Variants in HTT observed in about 807,000 individuals in gnomAD.
HTT encodes huntington disease protein.
In HTT, 104 loss-of-function variants were observed where a neutral mutation model predicts 362.3. The ratio of observed to expected loss-of-function variants is 0.29; its 90% CI spans 0.24 to 0.34. The LOEUF (loss-of-function observed/expected upper bound fraction) is 0.34. Among genes scored for constraint, HTT ranks in the 10% least tolerant of loss-of-function variants. HTT has a pLI of 1.00. For missense variants in HTT, 3,301 were observed against 3,928.6 expected, an observed-to-expected ratio of 0.84 and a Z score of 4.27; for synonymous variants, 1,577 against 1,548.7, an observed-to-expected ratio of 1.02 and a Z score of -0.43.
intron 31 of HTT, 78 bp from the exon 32 acceptor site, chr4:3,174,643 C>G: frequency 8.7e-7 from 1 of 1,151,644 alleles, no homozygotes; most frequent in African/African-American, 1.5e-5. Flanking sequence ...TTGGTTTGAG[C>G]AGGAGTATAT....
intron 1 of HTT, among the ~76,000 whole-genome samples, chr4:3,082,343 C>T (rs1712956828): frequency 6.6e-6 from 1 of 152,044 alleles, no homozygotes; most frequent in Admixed American, 6.5e-5. Context: ...AATAAGTCAA[C>T]CACTTGATAA....
rs200331534 is a variant in HTT at position 3,103,859 on chromosome 4, C to T, written c.504C>T (p.Leu168=). 2.1e-4 allele frequency: 330 copies of T among 1,606,266 alleles called. No individual in the cohort carries two copies. In the African/African-American group the frequency reaches 3.4e-3, roughly 17 times the overall value. The change falls in exon 4 of 67, where the codon CTC becomes CTT. Residue 168 remains leucine (L), a synonymous_variant. Transcript: ENST00000355072. Reference sequence around the variant, plus strand: ...ATTCTAATCTTCCAAGGTTACAGCTCGAGCTCTATAAGGAAATTAAAAAGG... The same window carrying T: ...ATTCTAATCTTCCAAGGTTACAGCTTGAGCTCTATAAGGAAATTAAAAAGG... The part of the protein sequence containing the change: ...LMDSNLPRLQ[L]ELYKEIKKNG...
At chr4:3,107,997 C>T (rs974695379) in intron 6 of HTT, among the ~76,000 whole-genome samples, 1 of 152,218 alleles carries the variant, frequency 6.6e-6, no homozygotes, top group Non-Finnish European at 1.5e-5. Context: ...TGATGATACA[C>T]ACTGGGTAGA....
intron 45 of HTT, 98 bp downstream of exon 45, chr4:3,207,455 T>TG: frequency 2.9e-6 from 3 of 1,029,430 alleles, no homozygotes. Context: ...AAGAAATCGA[T>TG]GTGCCTTATA....
chr4:3,148,755 G>T (rs565173360), intron 26 of HTT, among the ~76,000 whole-genome samples: 2 of 152,258 alleles, frequency 1.3e-5, no homozygotes, highest in South Asian at 4.1e-4. Flanking sequence ...CCGAGATCGT[G>T]CCACTGCACT....
intron 26 of HTT, among the ~76,000 whole-genome samples, chr4:3,149,911 G>A (rs544527536): frequency 9.9e-5 from 15 of 152,204 alleles, no homozygotes; most frequent in Middle Eastern, 3.4e-3. Context: ...AGCGTTTCCC[G>A]CCCAGATCAT....
At chr4:3,126,090 C>T (rs140572553) in intron 11 of HTT, among the ~76,000 whole-genome samples, 66 of 152,188 alleles carry the variant, frequency 4.3e-4, no homozygotes, top group African/African-American at 1.6e-3. Flanking sequence ...GTGCAGATAC[C>T]CAGTGTCACT....
At chr4:3,168,466 T>A (rs946657916) in intron 29 of HTT, among the ~76,000 whole-genome samples, 1 of 152,230 alleles carries the variant, frequency 6.6e-6, no homozygotes, top group Non-Finnish European at 1.5e-5. Flanking sequence ...AATCATTTTC[T>A]TTTTCTAAAT....
At chr4:3,078,348 T>C (rs1382926590) in intron 1 of HTT, among the ~76,000 whole-genome samples, 1 of 152,180 alleles carries the variant, frequency 6.6e-6, no homozygotes, top group Admixed American at 6.5e-5. Flanking sequence ...ATGAAGGACA[T>C]AGACAGTAAG....
Position 3,102,260 on chromosome 4 carries a change from G to C in HTT, c.469-1564G>C, listed in dbSNP as rs777520200. Reference sequence around the variant, plus strand: ...CTGCGGAAGCAGGGGCAAGAGGGAAGAGGCCAGCAGCGTGCTGCCATCACC... The same window carrying C: ...CTGCGGAAGCAGGGGCAAGAGGGAACAGGCCAGCAGCGTGCTGCCATCACC... On this transcript the variant is annotated intron_variant, in intron 3 of 66. Coordinates refer to ENST00000355072, the MANE Select transcript of HTT (RefSeq NM_001388492.1). 6.3e-4 allele frequency among the ~76,000 whole-genome samples: 96 copies of C among 152,238 alleles called. 1 individual carries two copies. The highest frequency in any genetic ancestry group is 1.2e-3 in the Non-Finnish European group (82 of 68,042).
At position 3,103,988 on chromosome 4, in the gene HTT, G is replaced by C. The variant is rs1714288800; in HGVS notation, c.528+105G>C. The stretch of plus-strand genomic sequence containing the variant: ...ATGTATATATTTATGGGGTACATGA[G>C]ATATTTTGATACAGGTATACAATAC... On this transcript the variant is annotated intron_variant, in intron 4 of 66. Coordinates refer to ENST00000355072, the MANE Select transcript of HTT (RefSeq NM_001388492.1). The C allele has an allele frequency of 1.8e-5, 12 of 683,262 alleles. No homozygotes were observed. The South Asian group carries it at 1.9e-4, about 11-fold the overall frequency. The allele number at this position is 683,262 out of a possible 1,614,324, so 42.3% of individuals were successfully genotyped here.
At chr4:3,106,199 T>A (rs1337934612) in intron 5 of HTT, among the ~76,000 whole-genome samples, 6 of 151,942 alleles carry the variant, frequency 3.9e-5, no homozygotes, top group Non-Finnish European at 8.8e-5. Context: ...CTACAAAAAA[T>A]ACAAAACTTA....
intron 6 of HTT, among the ~76,000 whole-genome samples, chr4:3,114,633 T>A (rs1714930824): frequency 6.6e-6 from 1 of 152,192 alleles, no homozygotes; most frequent in Non-Finnish European, 1.5e-5. Flanking sequence ...TTTTGAATAA[T>A]GGGAAATGGA....
chr4:3,151,777 T>C (rs1716904241), intron 26 of HTT, among the ~76,000 whole-genome samples: 1 of 152,220 alleles, frequency 6.6e-6, no homozygotes, highest in African/African-American at 2.4e-5. Flanking sequence ...TTTGGGGACC[T>C]CTGCACATAT....
At chr4:3,124,439 C>T (rs1402985367) in intron 10 of HTT, among the ~76,000 whole-genome samples, 2 of 152,068 alleles carry the variant, frequency 1.3e-5, no homozygotes, top group African/African-American at 4.8e-5. Context: ...GTGAAATCTG[C>T]CCAAATTATA....
chr4:3,080,266 TG>T (rs1712822041), intron 1 of HTT, among the ~76,000 whole-genome samples: 1 of 152,130 alleles, frequency 6.6e-6, no homozygotes, highest in Non-Finnish European at 1.5e-5. Flanking sequence ...AGCTAATTTT[TG>T]TGTTTTTAGT....
chr4:3,081,509 C>G (rs1446518660), intron 1 of HTT, among the ~76,000 whole-genome samples: 1 of 151,392 alleles, frequency 6.6e-6, no homozygotes, highest in African/African-American at 2.4e-5. Context: ...TTTTCCCACT[C>G]CTAGGTTAAA....
chr4:3,204,800 C>G (rs1286342234), intron 42 of HTT, among the ~76,000 whole-genome samples: 2 of 152,012 alleles, frequency 1.3e-5, no homozygotes, highest in Non-Finnish European at 2.9e-5. Flanking sequence ...AACCCTGCCT[C>G]TACCAAAAAA....
chr4:3,094,119 C>T (rs1713684514), intron 2 of HTT, among the ~76,000 whole-genome samples: 1 of 151,662 alleles, frequency 6.6e-6, no homozygotes, highest in African/African-American at 2.4e-5. Flanking sequence ...GGTGATGACT[C>T]TTAACGAGTA....
Sources: allele counts gnomAD v4.1 joint callset (sites outside exome capture counted in the v4.1 genomes callset), GRCh38; gene constraint gnomAD v4.1.1; transcripts MANE v1.5; gene names NCBI Gene and HGNC (gene_info 2026-07-23, HGNC 2026-07-21).